The following TUSC3 variants were observed in gnomAD, a reference collection of about 807,000 sequenced individuals.
TUSC3 encodes the protein tumor suppressor candidate 3.
In TUSC3, 45 loss-of-function variants were observed where a neutral mutation model predicts 44.8. That is an observed-to-expected ratio of 1.00 (90% confidence interval 0.79 to 1.29). The LOEUF (loss-of-function observed/expected upper bound fraction) is 1.29, where lower values mean the gene tolerates loss of function less well. TUSC3 is among the 50% of genes most tolerant of loss of function. TUSC3 has a pLI of 0.00. For missense variants in TUSC3, 519 were observed against 437.9 expected, an observed-to-expected ratio of 1.19 and a Z score of -1.65; for synonymous variants, 212 against 152.9, an observed-to-expected ratio of 1.39 and a Z score of -2.85.
At chr8:15,434,492 C>A (rs114206588) in intron 1 of TUSC3, among the ~76,000 whole-genome samples, 1 of 149,460 alleles carries the variant, frequency 6.7e-6, no homozygotes, top group South Asian at 2.1e-4. Flanking sequence ...TATTCACTAA[C>A]CTGAAATATT....
the TUSC3 span, among the ~76,000 whole-genome samples, chr8:15,826,406 T>C: frequency 4.7e-3 from 715 of 152,312 alleles, 4 homozygotes; most frequent in Non-Finnish European, 8.2e-3. Context: ...CTTTTCAGTA[T>C]GTTCTTTGCG....
At chr8:15,635,655 A>G (rs1255744623) in intron 2 of TUSC3, among the ~76,000 whole-genome samples, 2 of 152,214 alleles carry the variant, frequency 1.3e-5, no homozygotes, top group Non-Finnish European at 2.9e-5. Context: ...CCGACAAAAG[A>G]ACAAAGGCTC....
chr8:15,776,075 C>T, the TUSC3 span, among the ~76,000 whole-genome samples: 2 of 152,002 alleles, frequency 1.3e-5, no homozygotes, highest in Non-Finnish European at 2.9e-5. Context: ...AATAGTTTCT[C>T]TATGATAAAG....
At chr8:15,547,057 G>T (rs925100680) in intron 1 of TUSC3, among the ~76,000 whole-genome samples, 1 of 151,478 alleles carries the variant, frequency 6.6e-6, no homozygotes, top group African/African-American at 2.4e-5. Context: ...ATTATTTATG[G>T]TATATTTATT....
chr8:15,553,723 TCAAA>T (rs1484599386), intron 1 of TUSC3, among the ~76,000 whole-genome samples: 2 of 151,854 alleles, frequency 1.3e-5, no homozygotes, highest in East Asian at 2.0e-4. Context: ...ACACTTCTTC[TCAAA>T]CAATTTGCTG....
At chr8:15,454,001 C>G (rs1008721220) in intron 1 of TUSC3, among the ~76,000 whole-genome samples, 3 of 152,062 alleles carry the variant, frequency 2.0e-5, no homozygotes, top group Admixed American at 6.5e-5. Context: ...TATATTACCT[C>G]CTAGGGACAT....
chr8:15,567,625 A>G (rs1489304002), intron 1 of TUSC3, among the ~76,000 whole-genome samples: 3 of 152,148 alleles, frequency 2.0e-5, no homozygotes, highest in Non-Finnish European at 4.4e-5. Context: ...GTCATATGTA[A>G]GATTGCAGTC....
intron 2 of TUSC3, among the ~76,000 whole-genome samples, chr8:15,525,507 G>C (rs1353069521): frequency 6.6e-6 from 1 of 152,084 alleles, no homozygotes; most frequent in Non-Finnish European, 1.5e-5. Flanking sequence ...TGTATAATAT[G>C]GCAAATACTG....
At chr8:15,605,939 C>A (rs552303405) in intron 1 of TUSC3, among the ~76,000 whole-genome samples, 1 of 152,164 alleles carries the variant, frequency 6.6e-6, no homozygotes, top group South Asian at 2.1e-4. Flanking sequence ...CCTTATGACA[C>A]TGATCATCTC....
chr8:15,611,058 A>G (rs1481593949), intron 1 of TUSC3, among the ~76,000 whole-genome samples: 1 of 152,238 alleles, frequency 6.6e-6, no homozygotes, highest in African/African-American at 2.4e-5. Context: ...TTCTCATTAG[A>G]TAACTTTACA....
intron 1 of TUSC3, among the ~76,000 whole-genome samples, chr8:15,432,219 C>T (rs10106790): frequency 0.16 from 24,732 of 152,024 alleles, 2,088 homozygotes; most frequent in Middle Eastern, 0.22. Flanking sequence ...TAGAATTCAC[C>T]AGGAAGCCAT....
chr8:15,529,794 T>TACACTCCTGTATTACATCATATACAG (rs1290529455), intron 2 of TUSC3, among the ~76,000 whole-genome samples: 2 of 141,044 alleles, frequency 1.4e-5, no homozygotes, highest in African/African-American at 5.5e-5. Context: ...AAAAGTTTTT[T>TACACTCCTGTATTACATCATATACAG]TTTTTTTTTT....
intron 1 of TUSC3, among the ~76,000 whole-genome samples, chr8:15,568,455 A>T (rs1251577647): frequency 2.0e-5 from 3 of 152,148 alleles, no homozygotes; most frequent in South Asian, 4.2e-4. Context: ...TTATTACTAT[A>T]TGAACTTATA....
intron 1 of TUSC3, among the ~76,000 whole-genome samples, chr8:15,452,244 C>T (rs1192410663): frequency 2.0e-5 from 3 of 152,126 alleles, no homozygotes; most frequent in African/African-American, 7.2e-5. Context: ...GAAAAATTTT[C>T]GCTGACTTTC....
At chr8:15,522,480 G>T (rs1001716105) in intron 2 of TUSC3, among the ~76,000 whole-genome samples, 1 of 151,454 alleles carries the variant, frequency 6.6e-6, no homozygotes, top group African/African-American at 2.4e-5. Flanking sequence ...TGATCCACCC[G>T]CCTTGGCCTC....
At chr8:15,642,132 C>T (rs1368405430) in intron 2 of TUSC3, among the ~76,000 whole-genome samples, 1 of 152,114 alleles carries the variant, frequency 6.6e-6, no homozygotes, top group African/African-American at 2.4e-5. Context: ...AGTTCATTAA[C>T]AAAATTAGAG....
At chr8:15,802,480 G>A in the TUSC3 span, among the ~76,000 whole-genome samples, 52 of 152,002 alleles carry the variant, frequency 3.4e-4, no homozygotes, top group African/African-American at 9.4e-4. Flanking sequence ...GGAGTGCAGC[G>A]GCGTGATCCC....
At chr8:15,781,025 G>T in the TUSC3 span, among the ~76,000 whole-genome samples, 2 of 152,162 alleles carry the variant, frequency 1.3e-5, no homozygotes, top group African/African-American at 4.8e-5. Context: ...TAACTAACTT[G>T]TATCAGGTAG....
chr8:15,478,487 C>G (rs1294097298), intron 1 of TUSC3, among the ~76,000 whole-genome samples: 5 of 152,084 alleles, frequency 3.3e-5, no homozygotes, highest in Non-Finnish European at 1.5e-5. Flanking sequence ...TTCATGTGTT[C>G]TCATTGTTGA....
Sources: allele counts gnomAD v4.1 joint callset (sites outside exome capture counted in the v4.1 genomes callset), GRCh38; gene constraint gnomAD v4.1.1; transcripts MANE v1.5; gene names NCBI Gene and HGNC (gene_info 2026-07-23, HGNC 2026-07-21).